Variants in ZKSCAN2 observed in about 807,000 individuals in gnomAD.
ZKSCAN2 encodes the protein zinc finger with KRAB and SCAN domains 2.
In ZKSCAN2, 38 loss-of-function variants were observed where a neutral mutation model predicts 90.5. The observed-to-expected ratio is 0.42, with a 90% CI of 0.32 to 0.55. The LOEUF (loss-of-function observed/expected upper bound fraction) is 0.55. Among genes scored for constraint, ZKSCAN2 ranks in the 20% least tolerant of loss-of-function variants. ZKSCAN2 has a pLI of 0.11. For missense variants in ZKSCAN2, 1,167 were observed against 1,202.6 expected, an observed-to-expected ratio of 0.97 and a Z score of 0.44; for synonymous variants, 429 against 421.6, an observed-to-expected ratio of 1.02 and a Z score of -0.22.
chr16:25,257,062 C>T lies in ZKSCAN2; in HGVS notation c.66G>A (p.Lys22=), dbSNP rs1163736027. 2 of 1,613,898 alleles carry T rather than the reference C, an allele frequency of 1.2e-6. No homozygotes were observed. Among genetic ancestry groups the T allele is most frequent in the Non-Finnish European group, 8.5e-7 (1 of 1,179,960 alleles). Residue 22 remains lysine, a synonymous_variant, in exon 1 of 7, where the codon AAG becomes AAA. Coordinates refer to ENST00000328086, the MANE Select transcript of ZKSCAN2 (RefSeq NM_001012981.5). ...PLEVEGCLIM[K]VEKDPEWASE... is the part of the protein sequence containing the mutation. ...ATGCCCACTCAGGGTCCTTTTCCAC[C>T]TTCATTATTAGGCATCCCTCAACCT...
intron 2 of ZKSCAN2, 49 bp downstream of exon 2, chr16:25,255,157 A>T: frequency 6.5e-7 from 1 of 1,536,062 alleles, no homozygotes; most frequent in Admixed American, 2.2e-5. Context: ...GTACTGCGGA[A>T]ATCTGCCCCA....
intron 4 of ZKSCAN2, 86 bp from the exon 5 acceptor site, chr16:25,247,476 C>A: frequency 8.2e-7 from 1 of 1,217,734 alleles, no homozygotes; most frequent in Non-Finnish European, 1.1e-6. Flanking sequence ...CTCTCCTGGG[C>A]CACTTGTTCA....
chr16:25,249,582 T>C (rs919374288), intron 4 of ZKSCAN2, among the ~76,000 whole-genome samples: 1 of 152,156 alleles, frequency 6.6e-6, no homozygotes, highest in Non-Finnish European at 1.5e-5. Flanking sequence ...ATGCCCTGCC[T>C]AGGTGATGGA....
intron 4 of ZKSCAN2, among the ~76,000 whole-genome samples, chr16:25,248,081 G>A (rs1962963385): frequency 6.6e-6 from 1 of 151,892 alleles, no homozygotes; most frequent in Non-Finnish European, 1.5e-5. Context: ...TGTCTTACAC[G>A]ACTCACAAAA....
At position 25,250,438 on chromosome 16, in the gene ZKSCAN2, G is replaced by C. The variant is rs1268852339; in HGVS notation, c.805+1471C>G. Among the ~76,000 whole-genome samples the C allele has an allele frequency of 2.0e-5, 3 of 152,322 alleles. No individual in the cohort carries two copies. The East Asian group carries it at 5.8e-4, about 29-fold the overall frequency. Reference sequence around the variant, plus strand: ...TGGCATCTAAAATGCTGAACTTAGAGAAAGTGAGAAGAGAACAGTGGTTGC... The same window carrying C: ...TGGCATCTAAAATGCTGAACTTAGACAAAGTGAGAAGAGAACAGTGGTTGC... On this transcript the variant is annotated intron_variant, in intron 4 of 6. Coordinates refer to ENST00000328086, the MANE Select transcript of ZKSCAN2 (RefSeq NM_001012981.5).
intron 5 of ZKSCAN2, chr16:25,246,340 G>A (rs1270106527): frequency 3.6e-5 from 7 of 192,676 alleles, no homozygotes; most frequent in Middle Eastern, 2.1e-3. Flanking sequence ...TTTAGATAAC[G>A]TAATAATGCA....
In ZKSCAN2 at chr16:25,256,666, T is replaced by C. The variant is rs187098963; in HGVS notation, c.399+63A>G. On this transcript the variant is annotated intron_variant, in intron 1 of 6. Transcript: ENST00000328086. ...AGCACGTCTTTCTGCAATACATCCC[T>C]GCCCACATGCCTTTCCCATTCCCTT... The C allele has an allele frequency of 2.1e-3, 3,185 of 1,533,186 alleles. 5 individuals carry two copies. Among genetic ancestry groups the C allele is most frequent in the Non-Finnish European group, 2.6e-3 (2,970 of 1,137,254 alleles). 95.0% of individuals were successfully genotyped at this position (1,533,186 alleles called of 1,614,324 possible).
chr16:25,242,593 A>G lies in ZKSCAN2; in HGVS notation c.1981+1192T>C, dbSNP rs367839147. 3.3e-5 allele frequency among the ~76,000 whole-genome samples: 5 copies of G among 152,306 alleles called. No homozygotes were observed. In the East Asian group the frequency reaches 5.8e-4, roughly 18 times the overall value. On this transcript the variant is annotated intron_variant, in intron 6 of 6. Coordinates refer to ENST00000328086, the MANE Select transcript of ZKSCAN2 (RefSeq NM_001012981.5). ...ATGGGAGGTGAGAGAGAATTTGGAC[A>G]TGGAGATATGTAGAGCCAAGGACAT...
Position 25,239,800 on chromosome 16 carries a change from G to A in ZKSCAN2, c.*16C>T, listed in dbSNP as rs750560326. 1.9e-5 allele frequency: 30 copies of A among 1,555,446 alleles called. No individual in the cohort carries two copies. Among genetic ancestry groups the A allele is most frequent in the Non-Finnish European group, 2.5e-5 (29 of 1,152,640 alleles). The stretch of plus-strand genomic sequence containing the variant: ...GTAAAATGGCTAAGGGGGCATTTAG[G>A]AAGAGAAGATCATCATCAAAAAGTT... On this transcript the variant is annotated 3_prime_UTR_variant, in exon 7 of 7. Coordinates refer to ENST00000328086, the MANE Select transcript of ZKSCAN2 (RefSeq NM_001012981.5).
At chr16:25,248,050 A>G (rs954458968) in intron 4 of ZKSCAN2, among the ~76,000 whole-genome samples, 1 of 152,266 alleles carries the variant, frequency 6.6e-6, no homozygotes, top group African/African-American at 2.4e-5. Context: ...ATCCAGATAC[A>G]AAAGAGTGAA....
chr16:25,256,163 A>G (rs913073105), intron 1 of ZKSCAN2, among the ~76,000 whole-genome samples: 3 of 152,192 alleles, frequency 2.0e-5, no homozygotes, highest in African/African-American at 7.2e-5. Flanking sequence ...GGATTTCACG[A>G]GGTTCATGAA....
intron 6 of ZKSCAN2, among the ~76,000 whole-genome samples, chr16:25,241,927 T>C (rs180917452): frequency 6.6e-6 from 1 of 152,328 alleles, no homozygotes; most frequent in Non-Finnish European, 1.5e-5. Context: ...TGGAGTGCAG[T>C]GGCATGATCA....
intron 6 of ZKSCAN2, among the ~76,000 whole-genome samples, chr16:25,241,647 A>T (rs1269470642): frequency 6.6e-6 from 1 of 152,208 alleles, no homozygotes; most frequent in African/African-American, 2.4e-5. Flanking sequence ...TTTCATCCAT[A>T]AACATTTCAC....
In ZKSCAN2 at chr16:25,255,408, AATACCAT is replaced by A. The variant is rs1963085831; in HGVS notation, c.400-23_400-17del. ...GACTGCTGACCTGAGAAATGAAGTC[AATACCAT>A]AAGAGGGAGTAAAACAGGCCCATAT... On this transcript the variant is annotated splice_polypyrimidine_tract_variant and intron_variant, in intron 1 of 6. Coordinates refer to ENST00000328086, the MANE Select transcript of ZKSCAN2 (RefSeq NM_001012981.5). 2 of 1,605,614 alleles carry A rather than the reference AATACCAT, an allele frequency of 1.2e-6. No individual in the cohort carries two copies. Among genetic ancestry groups the A allele is most frequent in the Non-Finnish European group, 1.7e-6 (2 of 1,179,172 alleles).
rs1962778583 is a variant in ZKSCAN2 at position 25,237,007 on chromosome 16, AAGC to A, written c.*2806_*2808del. 6.6e-6 allele frequency: 1 copy of A among 152,612 alleles called. No homozygotes were observed. The highest frequency in any genetic ancestry group is 1.5e-5 in the Non-Finnish European group (1 of 68,032). The allele number at this position is 152,612 out of a possible 1,614,324, so 9.5% of individuals were successfully genotyped here. On this transcript the variant is annotated 3_prime_UTR_variant, in exon 7 of 7. Coordinates refer to ENST00000328086, the MANE Select transcript of ZKSCAN2 (RefSeq NM_001012981.5). ...CCAGCAGCCAGAACAAAGAGAGAAA[AAGC>A]AGCTTAAGTTACAAAAATCACAGTG...
At position 25,243,992 on chromosome 16, in the gene ZKSCAN2, G is replaced by T. The variant is rs1962892456; in HGVS notation, c.1774C>A (p.Pro592Thr). ...GATGGGACTTCCTCTGGGGTGCTGG[G>T]GGAAGGAGCAGATGCCCGAGAGTTA... ...LINSRASAPS[P>T]STPEEVPSPS... The change falls in exon 6 of 7, where the codon CCC becomes ACC. Residue 592 changes from proline to threonine, a missense_variant. Coordinates refer to ENST00000328086, the MANE Select transcript of ZKSCAN2 (RefSeq NM_001012981.5). 1 of 1,614,158 alleles carries T rather than the reference G, an allele frequency of 6.2e-7. No homozygotes were observed. The highest frequency in any genetic ancestry group is 1.1e-5 in the South Asian group (1 of 91,078).
In ZKSCAN2 at chr16:25,257,280, T is replaced by C; in HGVS notation, c.-153A>G. On this transcript the variant is annotated 5_prime_UTR_variant, in exon 1 of 7. Transcript: ENST00000328086. ...GAACAGGGTATTCCAGGCTGATTAA[T>C]CAAATCTATGCCAGGCCCTTGAAAA... 1 of 1,462,742 alleles carries C rather than the reference T, an allele frequency of 6.8e-7. No homozygotes were observed. Among genetic ancestry groups the C allele is most frequent in the Non-Finnish European group, 9.0e-7 (1 of 1,114,806 alleles). 90.6% of individuals were successfully genotyped at this position (1,462,742 alleles called of 1,614,324 possible).
chr16:25,242,310 A>G (rs1962866632), intron 6 of ZKSCAN2, among the ~76,000 whole-genome samples: 1 of 152,196 alleles, frequency 6.6e-6, no homozygotes, highest in Admixed American at 6.5e-5. Flanking sequence ...ATTCACAAGG[A>G]CTTTGTTTCC....
intron 4 of ZKSCAN2, among the ~76,000 whole-genome samples, chr16:25,247,725 T>C (rs961766808): frequency 2.0e-5 from 3 of 152,216 alleles, no homozygotes; most frequent in African/African-American, 7.2e-5. Context: ...ATTTGTTACT[T>C]GTAAAATAAA....
Sources: allele counts gnomAD v4.1 joint callset (sites outside exome capture counted in the v4.1 genomes callset), GRCh38; gene constraint gnomAD v4.1.1; transcripts MANE v1.5; gene names NCBI Gene and HGNC (gene_info 2026-07-23, HGNC 2026-07-21).